The following ATM variants were observed in gnomAD, a reference collection of about 807,000 sequenced individuals.
ATM encodes serine-protein kinase ATM.
ATM carries 308 observed loss-of-function variants against 387.0 expected under a neutral mutation model. That is an observed-to-expected ratio of 0.80 (90% CI 0.73 to 0.87). ATM has a LOEUF of 0.87. Ranked by LOEUF, ATM falls within the 40% of genes least tolerant of loss-of-function variation. The pLI is 0.00. For synonymous variants in ATM, 1,156 were observed against 1,187.3 expected (o/e 0.97, Z 0.54); for missense variants, 3,312 against 3,560.9 (o/e 0.93, Z 1.78).
At chr11:108,246,231 A>G (rs895681631) in intron 7 of ATM, among the ~76,000 whole-genome samples, 5 of 152,184 alleles carry the variant, frequency 3.3e-5, no homozygotes, top group Non-Finnish European at 7.3e-5. Flanking sequence ...GTGAAAGAAT[A>G]GTGACTTTTA....
chr11:108,356,499 G>A (rs2089934787), intron 61 of ATM, among the ~76,000 whole-genome samples: 1 of 144,164 alleles, frequency 6.9e-6, no homozygotes, highest in Non-Finnish European at 1.5e-5. Flanking sequence ...TTGCACCATT[G>A]CCCTCCAGCC....
intron 6 of ATM, 61 bp from the exon 7 acceptor site, chr11:108,244,727 T>C: frequency 7.7e-7 from 1 of 1,291,810 alleles, no homozygotes; most frequent in African/African-American, 1.5e-5. Context: ...TTCATAACTG[T>C]TCAGTTTGTA....
chr11:108,287,405 CTT>C, intron 26 of ATM, 193 bp from the exon 27 acceptor site: 1 of 402,990 alleles, frequency 2.5e-6, no homozygotes. Context: ...ACTTTTTCCT[CTT>C]AGTCTACAGG....
chr11:108,247,925 C>T (rs538169359), intron 8 of ATM, among the ~76,000 whole-genome samples: 1 of 152,140 alleles, frequency 6.6e-6, no homozygotes, highest in East Asian at 1.9e-4. Flanking sequence ...AAAGAAACCT[C>T]ATCCCTTCTT....
intron 26 of ATM, among the ~76,000 whole-genome samples, chr11:108,286,754 T>C (rs1056236253): frequency 6.6e-6 from 1 of 152,188 alleles, no homozygotes; most frequent in African/African-American, 2.4e-5. Flanking sequence ...CCAGACCTTA[T>C]TGCCCTGCCT....
rs886039666 is a variant in ATM, at chr11:108,244,057, C to G, written c.601C>G (p.Gln201Glu). Reference protein sequence around the residue: ...IHAVTKGCCSQTDGLNSKFLD... With the variant: ...IHAVTKGCCSETDGLNSKFLD... ...TGCTGTTACCAAAGGATGCTGTTCT[C>G]AGACTGACGGATTAAATTCCAAATT... Residue 201 changes from glutamine (Q) to glutamate (E), a missense_variant, in exon 6 of 63, where the codon CAG becomes GAG. Around this residue, in one of 4 missense-constraint regions of ATM, gnomAD observed 1,791 missense variants for 1,804.5 expected, o/e 0.99. Transcript: ENST00000675843. 1.2e-6 allele frequency: 2 copies of G among 1,613,610 alleles called. No individual in the cohort carries two copies. The highest frequency in any genetic ancestry group is 1.3e-5 in the African/African-American group (1 of 74,946).
intron 4 of ATM, 69 bp downstream of exon 4, chr11:108,229,392 T>TTC (rs2078901899): frequency 8.3e-6 from 12 of 1,452,354 alleles, no homozygotes; most frequent in Admixed American, 1.9e-5. Flanking sequence ...TTTTTTTTTT[T>TTC]CAGATCATTT....
intron 31 of ATM, among the ~76,000 whole-genome samples, 158 bp from the exon 32 acceptor site, chr11:108,294,769 G>T (rs2135830157): frequency 6.6e-6 from 1 of 152,242 alleles, no homozygotes; most frequent in Middle Eastern, 3.4e-3. Flanking sequence ...TGTAGGGTTT[G>T]CAGTGGAAGA....
At chr11:108,261,692 G>A (rs1169334677) in intron 16 of ATM, among the ~76,000 whole-genome samples, 2 of 151,998 alleles carry the variant, frequency 1.3e-5, no homozygotes, top group African/African-American at 2.4e-5. Context: ...TCTGAGCTAC[G>A]GGAGGACATT....
At chr11:108,301,087 A>T (rs951217195) in intron 34 of ATM, among the ~76,000 whole-genome samples, 2 of 152,060 alleles carry the variant, frequency 1.3e-5, no homozygotes, top group African/African-American at 4.8e-5. Context: ...TTTTAAATGT[A>T]TATCAAGGTA....
At chr11:108,335,225 A>G (rs1446951322) in intron 55 of ATM, 116 bp downstream of exon 55, 1 of 1,567,856 alleles carries the variant, frequency 6.4e-7, no homozygotes, top group Admixed American at 1.8e-5. Flanking sequence ...CTTACAAATG[A>G]GGAAGATTTG....
intron 11 of ATM, among the ~76,000 whole-genome samples, 196 bp downstream of exon 11, chr11:108,252,227 T>G (rs1283761333): frequency 6.6e-6 from 1 of 152,206 alleles, no homozygotes; most frequent in Non-Finnish European, 1.5e-5. Context: ...AATAAAGGGT[T>G]GTCTCACTGT....
At chr11:108,336,992 G>A (rs1445467569) in intron 56 of ATM, among the ~76,000 whole-genome samples, 1 of 152,096 alleles carries the variant, frequency 6.6e-6, no homozygotes, top group African/African-American at 2.4e-5. Flanking sequence ...GGGACTATGG[G>A]TGACATGTGC....
intron 12 of ATM, among the ~76,000 whole-genome samples, 154 bp from the exon 13 acceptor site, chr11:108,253,657 AGAG>A (rs1490993051): frequency 6.6e-6 from 1 of 152,154 alleles, no homozygotes; most frequent in East Asian, 1.9e-4. Flanking sequence ...AGTCCGAAGA[AGAG>A]AAGCATTTAA....
At chr11:108,348,729 C>A (rs904854402) in intron 59 of ATM, among the ~76,000 whole-genome samples, 8 of 151,912 alleles carry the variant, frequency 5.3e-5, no homozygotes, top group Non-Finnish European at 8.8e-5. Context: ...AAGAAATTCT[C>A]AGAAAATAAT....
At chr11:108,335,430 T>C (rs1565542217) in intron 55 of ATM, 1 of 571,268 alleles carries the variant, frequency 1.8e-6, no homozygotes, top group Non-Finnish European at 2.8e-6. Flanking sequence ...TAGTGCAAGT[T>C]GACGTCCTTT....
At chr11:108,319,159 A>C (rs1011092149) in intron 43 of ATM, among the ~76,000 whole-genome samples, 1 of 152,226 alleles carries the variant, frequency 6.6e-6, no homozygotes, top group African/African-American at 2.4e-5. Flanking sequence ...CCTAGGCAAC[A>C]GAGTGAGACT....
intron 61 of ATM, among the ~76,000 whole-genome samples, chr11:108,364,865 A>G (rs1000419886): frequency 5.9e-5 from 9 of 152,204 alleles, no homozygotes; most frequent in Non-Finnish European, 1.3e-4. Context: ...GTCACCCCTA[A>G]CCATGGAGGA....
rs796051858 is a variant in ATM, at chr11:108,235,839, G to A, written c.496+5G>A. ...TATCTCAGCAACAGTGGTTAGGTATGTTTTGAAGGTTGTTGTTTGTGAATT... is the reference window on the plus strand; with the variant it reads ...TATCTCAGCAACAGTGGTTAGGTATATTTTGAAGGTTGTTGTTTGTGAATT... On this transcript the variant is annotated splice_donor_5th_base_variant and intron_variant, in intron 5 of 62. Transcript: ENST00000675843. 2.5e-6 allele frequency: 4 copies of A among 1,613,736 alleles called. No individual in the cohort carries two copies. Among genetic ancestry groups the A allele is most frequent in the Non-Finnish European group, 3.4e-6 (4 of 1,179,800 alleles).
Sources: allele counts gnomAD v4.1 joint callset (sites outside exome capture counted in the v4.1 genomes callset), GRCh38; gene constraint gnomAD v4.1.1; regional missense constraint gnomAD v4.1.1; transcripts MANE v1.5; gene names NCBI Gene and HGNC (gene_info 2026-07-23, HGNC 2026-07-21).